Variants in MSRA observed in about 807,000 individuals in gnomAD.
The protein encoded by MSRA is methionine sulfoxide reductase A, also known as mitochondrial peptide methionine sulfoxide reductase.
A neutral mutation model predicts 31.3 loss-of-function variants in MSRA; 54 were observed. The observed-to-expected ratio is 1.73, with a 90% CI of 1.39 to 2.17. The LOEUF (loss-of-function observed/expected upper bound fraction) is 2.17. MSRA is among the 30% of genes most tolerant of loss of function. The pLI, the probability that MSRA is intolerant of heterozygous loss-of-function variation, is 0.00. For synonymous variants in MSRA, 169 were observed against 116.5 expected, an observed-to-expected ratio of 1.45 and a Z score of -2.90; for missense variants, 507 against 300.9, an observed-to-expected ratio of 1.69 and a Z score of -5.07.
chr8:10,405,612 A>G (rs557236278), intron 5 of MSRA, among the ~76,000 whole-genome samples: 2 of 152,168 alleles, frequency 1.3e-5, no homozygotes, highest in African/African-American at 4.8e-5. Flanking sequence ...GTAGACCTTT[A>G]CCACTGGATG....
Position 10,075,420 on chromosome 8 carries a change from C to T in MSRA, c.142+20762C>T, listed in dbSNP as rs190560421. On this transcript the variant is annotated intron_variant, in intron 1 of 5. Transcript: ENST00000317173. ...ACAAACATCTTTAGAAATTTTATTACGACTGTGTATGTGTGTCCAGTGGCT... is the reference window on the plus strand; with the variant it reads ...ACAAACATCTTTAGAAATTTTATTATGACTGTGTATGTGTGTCCAGTGGCT... Among the ~76,000 whole-genome samples, 31 of 152,298 alleles carry T rather than the reference C, an allele frequency of 2.0e-4. No homozygotes were observed. In the East Asian group the frequency reaches 5.6e-3, roughly 27 times the overall value.
At chr8:10,167,518 G>A (rs1037024388) in intron 1 of MSRA, among the ~76,000 whole-genome samples, 1 of 152,140 alleles carries the variant, frequency 6.6e-6, no homozygotes, top group African/African-American at 2.4e-5. Context: ...TTTAAATCTG[G>A]ATGAATATGC....
chr8:10,187,434 G>A (rs148137922), intron 1 of MSRA, among the ~76,000 whole-genome samples: 4 of 152,180 alleles, frequency 2.6e-5, no homozygotes, highest in African/African-American at 7.2e-5. Flanking sequence ...AGCTTCTGCC[G>A]CATGTTGTAT....
intron 5 of MSRA, among the ~76,000 whole-genome samples, chr8:10,350,524 T>C (rs762460792): frequency 3.9e-5 from 6 of 152,246 alleles, no homozygotes; most frequent in Non-Finnish European, 8.8e-5. Flanking sequence ...AGATGGATTT[T>C]AGAGTTAAGT....
At chr8:10,308,018 C>G (rs1801232886) in intron 4 of MSRA, among the ~76,000 whole-genome samples, 1 of 152,176 alleles carries the variant, frequency 6.6e-6, no homozygotes, top group African/African-American at 2.4e-5. Context: ...TCCCTTCCCA[C>G]AAGTTAGTGT....
chr8:10,164,027 A>G (rs998906497), intron 1 of MSRA, among the ~76,000 whole-genome samples: 2 of 152,252 alleles, frequency 1.3e-5, no homozygotes, highest in Admixed American at 1.3e-4. Flanking sequence ...AGCCTGTCTT[A>G]TCTTGTACTT....
intron 1 of MSRA, among the ~76,000 whole-genome samples, chr8:10,136,738 G>C (rs1802311971): frequency 6.6e-6 from 1 of 152,160 alleles, no homozygotes; most frequent in Admixed American, 6.5e-5. Context: ...CGGGGTCAGG[G>C]GTTCAATGTC....
chr8:10,148,393 A>T (rs946636105), intron 1 of MSRA, among the ~76,000 whole-genome samples: 1 of 151,776 alleles, frequency 6.6e-6, no homozygotes, highest in African/African-American at 2.4e-5. Context: ...CATGCCTGTA[A>T]TCCCAGCACT....
chr8:10,081,758 G>C (rs993524367), intron 1 of MSRA, among the ~76,000 whole-genome samples: 1 of 152,134 alleles, frequency 6.6e-6, no homozygotes, highest in Non-Finnish European at 1.5e-5. Flanking sequence ...CCAAAGTCCC[G>C]GGAGATGGGA....
intron 5 of MSRA, among the ~76,000 whole-genome samples, chr8:10,362,953 C>T (rs1048248378): frequency 2.8e-4 from 42 of 152,162 alleles, no homozygotes; most frequent in African/African-American, 9.4e-4. Flanking sequence ...AACAGAAGGA[C>T]GTGCTGTTTT....
chr8:10,372,422 C>A (rs1202322935), intron 5 of MSRA, among the ~76,000 whole-genome samples: 1 of 152,168 alleles, frequency 6.6e-6, no homozygotes, highest in Non-Finnish European at 1.5e-5. Flanking sequence ...ATAAAATGCT[C>A]GTGCATATAT....
chr8:10,105,096 T>C (rs1799796209), intron 1 of MSRA, among the ~76,000 whole-genome samples: 1 of 152,244 alleles, frequency 6.6e-6, no homozygotes, highest in African/African-American at 2.4e-5. Flanking sequence ...TCTGTATTCA[T>C]ATGCTTTGCA....
chr8:10,243,390 A>G (rs1797439427), intron 2 of MSRA, among the ~76,000 whole-genome samples: 1 of 152,082 alleles, frequency 6.6e-6, no homozygotes, highest in African/African-American at 2.4e-5. Flanking sequence ...TCCTCCCCTC[A>G]TCCCAAGGAA....
chr8:10,367,258 T>C lies in MSRA; in HGVS notation c.543+47269T>C, dbSNP rs542250017. 3.3e-5 allele frequency among the ~76,000 whole-genome samples: 5 copies of C among 152,308 alleles called. No homozygotes were observed. The East Asian group carries it at 9.7e-4, about 29-fold the overall frequency. On this transcript the variant is annotated intron_variant, in intron 5 of 5. Coordinates refer to ENST00000317173, the MANE Select transcript of MSRA (RefSeq NM_012331.5). ...AGATGGGTGAGTAAGAACAATAAGA[T>C]ATTTTGAGACAGAAAGAGAGACCAC...
chr8:10,140,344 G>C (rs1047938288), intron 1 of MSRA, among the ~76,000 whole-genome samples: 2 of 152,188 alleles, frequency 1.3e-5, no homozygotes, highest in Non-Finnish European at 2.9e-5. Context: ...TCCTGCTTCT[G>C]CTGCTTTCTT....
At chr8:10,142,193 G>A (rs1198281748) in intron 1 of MSRA, among the ~76,000 whole-genome samples, 1 of 152,112 alleles carries the variant, frequency 6.6e-6, no homozygotes, top group Admixed American at 6.5e-5. Flanking sequence ...CCCGACCTCA[G>A]GTGATCCACC....
chr8:10,067,096 A>G (rs1169882144), intron 1 of MSRA, among the ~76,000 whole-genome samples: 1 of 152,072 alleles, frequency 6.6e-6, no homozygotes, highest in Non-Finnish European at 1.5e-5. Context: ...ATGCATGATG[A>G]TATGTACCTA....
intron 1 of MSRA, among the ~76,000 whole-genome samples, chr8:10,110,654 T>G (rs533255096): frequency 6.6e-6 from 1 of 152,350 alleles, no homozygotes; most frequent in East Asian, 1.9e-4. Flanking sequence ...CTTGGCAGGA[T>G]CTGTGTCAAA....
At chr8:10,230,748 T>C (rs2129072900) in intron 2 of MSRA, among the ~76,000 whole-genome samples, 1 of 152,334 alleles carries the variant, frequency 6.6e-6, no homozygotes, top group East Asian at 1.9e-4. Context: ...TAAGACTGTT[T>C]AAGATTCTTG....
Sources: allele counts gnomAD v4.1 joint callset (sites outside exome capture counted in the v4.1 genomes callset), GRCh38; gene constraint gnomAD v4.1.1; transcripts MANE v1.5; gene names NCBI Gene and HGNC (gene_info 2026-07-23, HGNC 2026-07-21).